Variants in NPSR1 observed in about 807,000 individuals in gnomAD.
The protein encoded by NPSR1 is neuropeptide S receptor 1, also known as neuropeptide S receptor.
A neutral mutation model predicts 46.9 loss-of-function variants in NPSR1; 48 were observed. That is an observed-to-expected ratio of 1.02 (90% CI 0.81 to 1.30). NPSR1 has a LOEUF of 1.30. Among genes scored for constraint, NPSR1 ranks in the 50% most tolerant of loss-of-function variants. The pLI is 0.00. For synonymous variants in NPSR1, 176 were observed against 168.1 expected, an observed-to-expected ratio of 1.05 and a Z score of -0.36; for missense variants, 450 against 449.5, an observed-to-expected ratio of 1.00 and a Z score of -0.01.
intron 3 of NPSR1, among the ~76,000 whole-genome samples, chr7:34,791,700 A>G (rs114867143): frequency 3.4e-4 from 52 of 152,198 alleles, no homozygotes; most frequent in African/African-American, 1.2e-3. Flanking sequence ...ATTAAAAAAA[A>G]TCAAAAATTC....
chr7:34,747,129 CAAAAA>C (rs5883471), intron 2 of NPSR1, among the ~76,000 whole-genome samples: 1 of 106,966 alleles, frequency 9.3e-6, no homozygotes, highest in Non-Finnish European at 1.9e-5. Context: ...ACCAAAAAAA[CAAAAA>C]AAAAAAAAAA....
chr7:34,728,458 G>A (rs181123393), intron 2 of NPSR1, among the ~76,000 whole-genome samples: 1 of 152,316 alleles, frequency 6.6e-6, no homozygotes, highest in African/African-American at 2.4e-5. Context: ...GGCGTGCAGT[G>A]CCTCATCCCC....
intron 2 of NPSR1, among the ~76,000 whole-genome samples, chr7:34,717,079 A>G (rs529240008): frequency 6.6e-6 from 1 of 152,348 alleles, no homozygotes; most frequent in African/African-American, 2.4e-5. Context: ...GATAGGACAC[A>G]TTCATTTGCT....
intron 2 of NPSR1, among the ~76,000 whole-genome samples, chr7:34,697,382 G>A (rs1201351491): frequency 6.6e-6 from 1 of 151,732 alleles, no homozygotes; most frequent in Non-Finnish European, 1.5e-5. Context: ...GACATTACTA[G>A]CAAGCTAAAG....
Position 34,848,603 on chromosome 7 carries a change from AT to A in NPSR1, c.966del (p.Asn322LysfsTer30). On this transcript the variant is annotated frameshift_variant, in exon 8 of 9. Transcript: ENST00000360581. LOFTEE classifies it high-confidence loss of function. ...SVIIQNLPAL[N>X]SAINPLIYCV... ...ATCATTCAGAACCTGCCAGCATTGA[AT>A]AGTGCCATCAACCCCCTCATCTACT... 1 of 1,614,170 alleles carries A rather than the reference AT, an allele frequency of 6.2e-7. No individual in the cohort carries two copies.
At chr7:34,737,219 T>G (rs1244763755) in intron 2 of NPSR1, among the ~76,000 whole-genome samples, 1 of 152,156 alleles carries the variant, frequency 6.6e-6, no homozygotes, top group Non-Finnish European at 1.5e-5. Context: ...TCTTCTCATG[T>G]TTTAGACACC....
chr7:34,847,106 C>T (rs1042938822), intron 7 of NPSR1, among the ~76,000 whole-genome samples: 6 of 152,140 alleles, frequency 3.9e-5, no homozygotes, highest in African/African-American at 1.4e-4. Context: ...TTGAATTGCT[C>T]CTCTTTAATA....
intron 1 of NPSR1, among the ~76,000 whole-genome samples, chr7:34,659,740 T>C (rs1229418559): frequency 6.6e-6 from 1 of 152,184 alleles, no homozygotes; most frequent in African/African-American, 2.4e-5. Flanking sequence ...CTCCACGATG[T>C]AGCTTAGAAA....
At chr7:34,837,145 T>C (rs953995754) in intron 6 of NPSR1, among the ~76,000 whole-genome samples, 1 of 152,238 alleles carries the variant, frequency 6.6e-6, no homozygotes, top group Non-Finnish European at 1.5e-5. Context: ...TTTTGTTTTC[T>C]TCTGTTTTCC....
intron 2 of NPSR1, 44 bp downstream of exon 2, chr7:34,684,728 T>A: frequency 6.9e-7 from 1 of 1,454,232 alleles, no homozygotes; most frequent in Non-Finnish European, 9.2e-7. Context: ...ATATGTGAAG[T>A]CCCTATGGCT....
chr7:34,699,838 C>G (rs79427512), intron 2 of NPSR1, among the ~76,000 whole-genome samples: 2,106 of 152,152 alleles, frequency 0.014, 59 homozygotes, highest in African/African-American at 0.049. Context: ...TAACAGGGAA[C>G]AGAGGTGCTA....
intron 2 of NPSR1, chr7:34,685,962 A>G: frequency 5.1e-6 from 1 of 194,226 alleles, no homozygotes; most frequent in Non-Finnish European, 1.1e-5. Flanking sequence ...CATCCAGCAA[A>G]TGCTTAGAGG....
chr7:34,759,578 C>T (rs900420648), intron 2 of NPSR1, among the ~76,000 whole-genome samples: 5 of 152,142 alleles, frequency 3.3e-5, no homozygotes, highest in Non-Finnish European at 7.4e-5. Flanking sequence ...CTTTTCCCAG[C>T]CCCAGGCCAG....
chr7:34,748,438 G>A (rs1785327443), intron 2 of NPSR1, among the ~76,000 whole-genome samples: 1 of 152,190 alleles, frequency 6.6e-6, no homozygotes, highest in Non-Finnish European at 1.5e-5. Context: ...CAGACAGAAA[G>A]CAGCCTCAGG....
chr7:34,786,218 A>C lies in NPSR1; in HGVS notation c.384+7653A>C, dbSNP rs181289636. Among the ~76,000 whole-genome samples, 9 of 152,250 alleles carry C rather than the reference A, an allele frequency of 5.9e-5. No individual in the cohort carries two copies. The East Asian group carries it at 1.4e-3, about 23-fold the overall frequency. On this transcript the variant is annotated intron_variant, in intron 3 of 8. Coordinates refer to ENST00000360581, the MANE Select transcript of NPSR1 (RefSeq NM_207172.2). ...GTACTAGTTTAAATTATTTGTTATCATTTCAGCAATGTTCACAGCATTATC... is the reference window on the plus strand; with the variant it reads ...GTACTAGTTTAAATTATTTGTTATCCTTTCAGCAATGTTCACAGCATTATC...
At chr7:34,871,132 C>T (rs1368302090) in intron 8 of NPSR1, among the ~76,000 whole-genome samples, 1 of 151,802 alleles carries the variant, frequency 6.6e-6, no homozygotes, top group African/African-American at 2.4e-5. Context: ...GCAGGCTTTA[C>T]AGGAAGCATG....
At chr7:34,685,155 G>A (rs778483124) in intron 2 of NPSR1, among the ~76,000 whole-genome samples, 1 of 152,184 alleles carries the variant, frequency 6.6e-6, no homozygotes, top group Non-Finnish European at 1.5e-5. Context: ...CCACTACTGG[G>A]GGTAGTATAA....
chr7:34,801,781 C>G (rs1287263815), intron 3 of NPSR1, among the ~76,000 whole-genome samples: 5 of 148,874 alleles, frequency 3.4e-5, no homozygotes, highest in South Asian at 2.1e-4. Flanking sequence ...GTCAAATTGT[C>G]CCTGTTTGCA....
At chr7:34,778,068 T>G (rs1787057389) in intron 2 of NPSR1, among the ~76,000 whole-genome samples, 1 of 152,180 alleles carries the variant, frequency 6.6e-6, no homozygotes, top group Non-Finnish European at 1.5e-5. Context: ...GTAAGGGGAA[T>G]TTTGAAGTAT....
Sources: allele counts gnomAD v4.1 joint callset (sites outside exome capture counted in the v4.1 genomes callset), GRCh38; gene constraint gnomAD v4.1.1; transcripts MANE v1.5; gene names NCBI Gene and HGNC (gene_info 2026-07-23, HGNC 2026-07-21).